The following SH3D19 variants were observed in gnomAD, a reference collection of about 807,000 sequenced individuals.
SH3D19 encodes the protein SH3 domain containing 19.
SH3D19 carries 58 observed loss-of-function variants against 112.1 expected under a neutral mutation model. The observed-to-expected ratio is 0.52, with a 90% CI of 0.42 to 0.64. SH3D19 has a LOEUF of 0.64. Among genes scored for constraint, SH3D19 ranks in the 30% least tolerant of loss-of-function variants. The pLI, the probability that SH3D19 is intolerant of heterozygous loss-of-function variation, is 0.00. For synonymous variants in SH3D19, 391 were observed against 448.5 expected, an observed-to-expected ratio of 0.87 and a Z score of 1.62; for missense variants, 1,090 against 1,263.4, an observed-to-expected ratio of 0.86 and a Z score of 2.08.
chr4:151,287,421 G>A (rs1774914839), intron 1 of SH3D19, among the ~76,000 whole-genome samples: 1 of 150,814 alleles, frequency 6.6e-6, no homozygotes, highest in Non-Finnish European at 1.5e-5. Context: ...CCTGACAAAG[G>A]CATCACAAGG....
At chr4:151,299,972 C>T (rs1303820250) in intron 1 of SH3D19, among the ~76,000 whole-genome samples, 7 of 152,132 alleles carry the variant, frequency 4.6e-5, no homozygotes, top group East Asian at 1.9e-4. Flanking sequence ...GAGGCCAAGG[C>T]GGGCAGATCA....
At position 151,204,458 on chromosome 4, in the gene SH3D19, T is replaced by C. The variant is rs192514655; in HGVS notation, c.153-16995A>G. On this transcript the variant is annotated intron_variant, in intron 2 of 19. Coordinates refer to ENST00000604030, the MANE Select transcript of SH3D19 (RefSeq NM_001378122.1). Reference sequence around the variant, plus strand: ...TGAAGAAAAATTTCTGTAGATTTATTTTTTAGGGTTCCAAGTCTTTACATT... The same window carrying C: ...TGAAGAAAAATTTCTGTAGATTTATCTTTTAGGGTTCCAAGTCTTTACATT... 2.0e-3 allele frequency among the ~76,000 whole-genome samples: 298 copies of C among 152,364 alleles called. 1 individual carries two copies. Among genetic ancestry groups the C allele is most frequent in the African/African-American group, 6.8e-3 (284 of 41,582 alleles).
intron 2 of SH3D19, among the ~76,000 whole-genome samples, chr4:151,214,478 TC>T (rs1193189933): frequency 9.9e-6 from 1 of 100,558 alleles, no homozygotes; most frequent in East Asian, 3.6e-4. Context: ...CCCACCTCCC[TC>T]CCGGACGGGG....
At position 151,122,045 on chromosome 4, in the gene SH3D19, A is replaced by G; in HGVS notation, c.*46T>C. 1 of 895,012 alleles carries G rather than the reference A, an allele frequency of 1.1e-6. No homozygotes were observed. The highest frequency in any genetic ancestry group is 1.8e-6 in the Non-Finnish European group (1 of 546,234). The allele number at this position is 895,012 out of a possible 1,614,324, so 55.4% of individuals were successfully genotyped here. ...AAACATATCTGATAGTCAAGGTGAT[A>G]GTTCAAGTGAGTTCTTGTGCCAAGG... On this transcript the variant is annotated 3_prime_UTR_variant, in exon 20 of 20. Transcript: ENST00000604030.
At chr4:151,209,262 C>A (rs1345415456) in intron 2 of SH3D19, among the ~76,000 whole-genome samples, 5 of 151,404 alleles carry the variant, frequency 3.3e-5, no homozygotes, top group Non-Finnish European at 5.9e-5. Context: ...ACAGGCAGAA[C>A]CTAAACAATC....
intron 1 of SH3D19, among the ~76,000 whole-genome samples, chr4:151,256,045 GGAGAGC>G (rs1771887068): frequency 7.7e-6 from 1 of 130,206 alleles, no homozygotes; most frequent in African/African-American, 2.9e-5. Context: ...AGAGGGAGAG[GGAGAGC>G]CTTGAATTAT....
intron 1 of SH3D19, among the ~76,000 whole-genome samples, chr4:151,305,224 A>C (rs1561447903): frequency 6.6e-6 from 1 of 152,218 alleles, no homozygotes; most frequent in Admixed American, 6.5e-5. Context: ...CAAGGTATGC[A>C]AAGAAATAAG....
chr4:151,136,147 T>C (rs572837367), intron 14 of SH3D19, among the ~76,000 whole-genome samples: 41 of 152,194 alleles, frequency 2.7e-4, no homozygotes, highest in Non-Finnish European at 5.9e-4. Flanking sequence ...CTTTGTTTTA[T>C]TTTATTTATT....
At chr4:151,266,070 T>G (rs1318353355) in intron 1 of SH3D19, 2 of 152,122 alleles carry the variant, frequency 1.3e-5, no homozygotes, top group African/African-American at 4.8e-5. Flanking sequence ...CCTAAAAGAT[T>G]TTAGTAAATA....
intron 1 of SH3D19, among the ~76,000 whole-genome samples, chr4:151,278,707 C>T (rs543460177): frequency 2.0e-5 from 3 of 152,072 alleles, no homozygotes; most frequent in South Asian, 2.1e-4. Flanking sequence ...CTAAACTCAC[C>T]GCATCCTCCA....
chr4:151,252,218 CATCTT>C (rs1771472941), intron 1 of SH3D19, among the ~76,000 whole-genome samples: 1 of 152,224 alleles, frequency 6.6e-6, no homozygotes, highest in Non-Finnish European at 1.5e-5. Context: ...TAATTTCTCT[CATCTT>C]AAAACAACAA....
chr4:151,148,320 T>C, intron 10 of SH3D19, 134 bp from the exon 11 acceptor site: 1 of 959,412 alleles, frequency 1.0e-6, no homozygotes. Flanking sequence ...TGGAATACAG[T>C]TTACTGAAAC....
intron 1 of SH3D19, among the ~76,000 whole-genome samples, chr4:151,311,300 A>G (rs1729438752): frequency 6.6e-6 from 1 of 151,850 alleles, no homozygotes; most frequent in Non-Finnish European, 1.5e-5. Context: ...AGATGCTGAG[A>G]AAGTAGGATC....
intron 7 of SH3D19, 74 bp from the exon 8 acceptor site, chr4:151,165,770 AAG>A (rs1447755890): frequency 7.6e-7 from 1 of 1,316,230 alleles, no homozygotes; most frequent in Non-Finnish European, 1.1e-6. Flanking sequence ...TTCATAATTT[AAG>A]AGTCATATTT....
intron 8 of SH3D19, among the ~76,000 whole-genome samples, chr4:151,164,970 T>C (rs1757755449): frequency 1.3e-5 from 2 of 152,252 alleles, no homozygotes; most frequent in Admixed American, 6.5e-5. Context: ...ATTATGCTGA[T>C]TGCAATAATA....
intron 1 of SH3D19, among the ~76,000 whole-genome samples, chr4:151,290,071 G>C (rs769814350): frequency 3.3e-5 from 5 of 152,156 alleles, no homozygotes; most frequent in Admixed American, 1.3e-4. Flanking sequence ...TCAGCTTCCC[G>C]AGTGGTTGGG....
intron 1 of SH3D19, chr4:151,279,954 C>G: frequency 6.2e-7 from 1 of 1,613,156 alleles, no homozygotes; most frequent in Non-Finnish European, 8.5e-7. Context: ...ACACTGCATA[C>G]AACCGTGAGT....
intron 1 of SH3D19, among the ~76,000 whole-genome samples, chr4:151,236,935 A>G (rs1316733302): frequency 6.8e-4 from 103 of 152,230 alleles, no homozygotes; most frequent in Non-Finnish European, 1.5e-5. Context: ...ACCAATCAGC[A>G]GCATGTGGGT....
intron 2 of SH3D19, among the ~76,000 whole-genome samples, chr4:151,213,830 G>A (rs1766407877): frequency 6.6e-6 from 1 of 151,392 alleles, no homozygotes; most frequent in Non-Finnish European, 1.5e-5. Context: ...GGGACTACAG[G>A]TGCATGCCAC....
Sources: allele counts gnomAD v4.1 joint callset (sites outside exome capture counted in the v4.1 genomes callset), GRCh38; gene constraint gnomAD v4.1.1; transcripts MANE v1.5; gene names NCBI Gene and HGNC (gene_info 2026-07-23, HGNC 2026-07-21).